TRIM24: variants seen among roughly 807,000 people sequenced by gnomAD.
TRIM24 encodes the protein transcription intermediary factor 1-alpha.
A neutral mutation model predicts 123.9 loss-of-function variants in TRIM24; 29 were observed. The ratio of observed to expected loss-of-function variants is 0.23; its 90% CI spans 0.17 to 0.32. The LOEUF is 0.32. TRIM24 is among the 10% of genes least tolerant of loss of function. The pLI is 1.00. For synonymous variants in TRIM24, 456 were observed against 461.1 expected, an observed-to-expected ratio of 0.99 and a Z score of 0.14; for missense variants, 932 against 1,295.3, an observed-to-expected ratio of 0.72 and a Z score of 4.31.
intron 2 of TRIM24, among the ~76,000 whole-genome samples, chr7:138,512,839 T>G (rs1796317966): frequency 6.6e-6 from 1 of 152,182 alleles, no homozygotes; most frequent in Admixed American, 6.5e-5. Context: ...ATTCCTCCCT[T>G]GAAAATGGGC....
chr7:138,577,299 C>T (rs1407468143), intron 13 of TRIM24, 121 bp from the exon 14 acceptor site: 2 of 703,152 alleles, frequency 2.8e-6, no homozygotes. Flanking sequence ...TCATTAATTG[C>T]TGATGTTAAC....
chr7:138,546,247 GTAAC>G (rs760701564), intron 7 of TRIM24, among the ~76,000 whole-genome samples: 4 of 152,172 alleles, frequency 2.6e-5, no homozygotes, highest in Non-Finnish European at 5.9e-5. Flanking sequence ...CAAGAATACT[GTAAC>G]TAAGTCTGAT....
chr7:138,538,671 C>A lies in TRIM24; in HGVS notation c.1011C>A (p.Asp337Glu). The A allele has an allele frequency of 1.9e-6, 3 of 1,613,974 alleles. No individual in the cohort carries two copies. The highest frequency in any genetic ancestry group is 2.5e-6 in the Non-Finnish European group (3 of 1,179,920). Reference sequence around the variant, plus strand: ...CTTGTTTTCAGAGCCTTGCAAAGGACCATCGCATGAAACTTATGCAACAAC... The same window carrying A: ...CTTGTTTTCAGAGCCTTGCAAAGGAACATCGCATGAAACTTATGCAACAAC... ...LLHQLESLAK[D>E]HRMKLMQQQQ... The change falls in exon 7 of 19, where the codon GAC (aspartate) becomes GAA (glutamate). Residue 337 changes from aspartate (D) to glutamate (E), a missense_variant. Physicochemically the swap from Asp to Glu is conservative, Grantham distance 45. Transcript: ENST00000343526.
chr7:138,564,543 C>T (rs1797495074), intron 9 of TRIM24, among the ~76,000 whole-genome samples: 1 of 152,224 alleles, frequency 6.6e-6, no homozygotes, highest in Non-Finnish European at 1.5e-5. Context: ...TTTACTTTCA[C>T]TTTAGGCTCG....
intron 6 of TRIM24, among the ~76,000 whole-genome samples, chr7:138,529,677 G>A (rs2116586301): frequency 6.6e-6 from 1 of 152,270 alleles, no homozygotes; most frequent in East Asian, 1.9e-4. Context: ...TTTTGTAATT[G>A]TAATTGCGAG....
intron 1 of TRIM24, chr7:138,461,173 C>A (rs752241375): frequency 3.9e-5 from 27 of 700,456 alleles, no homozygotes; most frequent in South Asian, 1.2e-4. Flanking sequence ...TCTCAACAGC[C>A]GGGCGGCCCC....
In TRIM24 at chr7:138,538,237, G is replaced by A. The variant is rs559196230; in HGVS notation, c.997-420G>A. Among the ~76,000 whole-genome samples the A allele has an allele frequency of 3.7e-4, 56 of 152,284 alleles. No individual in the cohort carries two copies. In the South Asian group the frequency reaches 4.6e-3, roughly 12 times the overall value. On this transcript the variant is annotated intron_variant, in intron 6 of 18. Transcript: ENST00000343526. Reference sequence around the variant, plus strand: ...GCACAAACTACTTGCAATTCCAACTGTTAAATAGAATCCCTAAAAGGTGAA... The same window carrying A: ...GCACAAACTACTTGCAATTCCAACTATTAAATAGAATCCCTAAAAGGTGAA...
intron 1 of TRIM24, among the ~76,000 whole-genome samples, chr7:138,468,790 A>G (rs1026090707): frequency 6.6e-6 from 1 of 152,168 alleles, no homozygotes; most frequent in Non-Finnish European, 1.5e-5. Flanking sequence ...GGACTTGGCA[A>G]AACCCTTACA....
intron 1 of TRIM24, among the ~76,000 whole-genome samples, chr7:138,488,288 A>G (rs557166886): frequency 8.6e-5 from 13 of 151,668 alleles, no homozygotes; most frequent in Non-Finnish European, 1.9e-4. Context: ...TCTTTTCAAA[A>G]AAAAAACAGC....
intron 7 of TRIM24, among the ~76,000 whole-genome samples, chr7:138,548,983 C>T (rs1563056151): frequency 6.6e-6 from 1 of 151,988 alleles, no homozygotes; most frequent in Non-Finnish European, 1.5e-5. Context: ...TTGGCTGAGG[C>T]GGTCACTTTT....
chr7:138,510,482 C>T lies in TRIM24; in HGVS notation c.484-4730C>T, dbSNP rs371500218. The stretch of plus-strand genomic sequence containing the variant: ...TGTTGCCCAGGCTGGAATGCAGTGG[C>T]GCGATCTTGGCTCACTGCAACCTCC... On this transcript the variant is annotated intron_variant, in intron 2 of 18. Transcript: ENST00000343526. 2.6e-5 allele frequency among the ~76,000 whole-genome samples: 4 copies of T among 152,096 alleles called. No homozygotes were observed. The East Asian group carries it at 5.8e-4, about 22-fold the overall frequency.
intron 2 of TRIM24, among the ~76,000 whole-genome samples, chr7:138,507,548 C>T (rs906438281): frequency 6.6e-6 from 1 of 151,904 alleles, no homozygotes; most frequent in Non-Finnish European, 1.5e-5. Flanking sequence ...GTTGCAAACT[C>T]CTGACCTCAG....
At position 138,460,462 on chromosome 7, in the gene TRIM24, G is replaced by A. The variant is rs1260481575; in HGVS notation, c.-87G>A. ...GCGAGTCCACCGAGCGGCCTCTGAG[G>A]AGCAGCCGCAGGAGGAGGAGGAGGT... On this transcript the variant is annotated 5_prime_UTR_variant, in exon 1 of 19. Transcript: ENST00000343526. 3 of 1,231,234 alleles carry A rather than the reference G, an allele frequency of 2.4e-6. No individual in the cohort carries two copies. The highest frequency in any genetic ancestry group is 3.1e-4 in the Middle Eastern group (1 of 3,278). The allele number at this position is 1,231,234 out of a possible 1,614,324, so 76.3% of individuals were successfully genotyped here. A position where few individuals can be genotyped will look rare whatever the true frequency, so the allele number is the denominator to read the frequency against.
chr7:138,569,576 C>T (rs1412508077), intron 10 of TRIM24, among the ~76,000 whole-genome samples: 1 of 152,096 alleles, frequency 6.6e-6, no homozygotes, highest in Non-Finnish European at 1.5e-5. Flanking sequence ...CTGAAACGAT[C>T]CACCAACTGA....
At chr7:138,535,407 C>G (rs1030020696) in intron 6 of TRIM24, among the ~76,000 whole-genome samples, 2 of 152,150 alleles carry the variant, frequency 1.3e-5, no homozygotes, top group African/African-American at 4.8e-5. Context: ...GTATGGCAGG[C>G]CTGGTGGTGA....
rs747381167 is a variant in TRIM24 at position 138,538,716 on chromosome 7, C to T, written c.1056C>T (p.Leu352=). Residue 352 remains leucine (L), a synonymous_variant, in exon 7 of 19, where the codon CTC becomes CTT. Coordinates refer to ENST00000343526, the MANE Select transcript of TRIM24 (RefSeq NM_015905.3). ...LMQQQQEVAG[L]SKQLEHVMHF... is the part of the protein sequence containing the mutation. ...AACAACAACAGGAAGTGGCTGGACTCTCTAAACAATTGGAGCATGTCATGC... is the reference window on the plus strand; with the variant it reads ...AACAACAACAGGAAGTGGCTGGACTTTCTAAACAATTGGAGCATGTCATGC... 5.1e-5 allele frequency: 83 copies of T among 1,613,994 alleles called. No homozygotes were observed. The highest frequency in any genetic ancestry group is 6.9e-5 in the Non-Finnish European group (81 of 1,180,008).
chr7:138,484,446 A>G (rs1008610142), intron 1 of TRIM24, among the ~76,000 whole-genome samples: 4 of 151,188 alleles, frequency 2.6e-5, no homozygotes, highest in African/African-American at 9.7e-5. Flanking sequence ...TTTCTTATGT[A>G]TCTAGTGAAA....
At position 138,460,829 on chromosome 7, in the gene TRIM24, C is replaced by T. The variant is rs1243992090; in HGVS notation, c.281C>T (p.Pro94Leu). ...CAGCGCTACCTCATGCTGCCCGCGC[C>T]CATGCTGGGCTCGGCCGAGACCCCG... The part of the protein sequence containing the change: ...APQRYLMLPA[P>L]MLGSAETPPP... Residue 94 changes from proline (P) to leucine (L), a missense_variant, in exon 1 of 19, where the codon CCC becomes CTC. This residue lies in a region of TRIM24 where 164 missense variants were observed against 181.9 expected (regional missense o/e 0.90). Transcript: ENST00000343526. 1.3e-6 allele frequency: 2 copies of T among 1,576,588 alleles called. No individual in the cohort carries two copies. Among genetic ancestry groups the T allele is most frequent in the African/African-American group, 1.4e-5 (1 of 71,296 alleles).
chr7:138,503,773 T>G (rs965484421), intron 1 of TRIM24, among the ~76,000 whole-genome samples: 1 of 152,240 alleles, frequency 6.6e-6, no homozygotes, highest in African/African-American at 2.4e-5. Flanking sequence ...TTATTTTTAT[T>G]TATTGTTTTT....
Sources: gnomAD v4.1 joint callset for allele counts (sites outside exome capture counted in the v4.1 genomes callset) on GRCh38, gnomAD v4.1.1 for gene constraint, gnomAD v4.1.1 regional missense constraint, MANE v1.5 for transcripts, NCBI Gene and HGNC (gene_info 2026-07-23, HGNC 2026-07-21) for gene names.